The following APBB2 variants were observed in gnomAD, a reference collection of about 807,000 sequenced individuals.
APBB2 encodes amyloid beta precursor protein binding family B member 2, also known as Fe65-like 1.
A neutral mutation model predicts 82.5 loss-of-function variants in APBB2; 38 were observed. The observed-to-expected ratio is 0.46, with a 90% confidence interval of 0.36 to 0.60. APBB2 has a LOEUF of 0.60. APBB2 is among the 20% of genes least tolerant of loss of function. APBB2 has a pLI of 0.00. For synonymous variants in APBB2, 341 were observed against 368.2 expected, an observed-to-expected ratio of 0.93 and a Z score of 0.85; for missense variants, 772 against 972.3, an observed-to-expected ratio of 0.79 and a Z score of 2.74.
intron 1 of APBB2, among the ~76,000 whole-genome samples, chr4:41,199,170 T>C (rs1367911446): frequency 6.7e-6 from 1 of 148,152 alleles, no homozygotes; most frequent in Non-Finnish European, 1.5e-5. Context: ...GGGGACACAA[T>C]TTAACCCAAA....
At chr4:40,887,812 C>T (rs1019938368) in intron 12 of APBB2, among the ~76,000 whole-genome samples, 2 of 152,236 alleles carry the variant, frequency 1.3e-5, no homozygotes, top group South Asian at 2.1e-4. Flanking sequence ...GAGCGTATTT[C>T]GAAATTACAC....
chr4:40,962,322 A>C (rs537312959), intron 6 of APBB2, among the ~76,000 whole-genome samples: 5 of 152,320 alleles, frequency 3.3e-5, no homozygotes, highest in Admixed American at 1.3e-4. Flanking sequence ...AGAACCAGTA[A>C]ATGAAATAAT....
At chr4:41,123,893 C>T (rs1753621739) in intron 2 of APBB2, among the ~76,000 whole-genome samples, 1 of 151,986 alleles carries the variant, frequency 6.6e-6, no homozygotes, top group South Asian at 2.1e-4. Flanking sequence ...CTTAAACTAG[C>T]AGGGAAGGGC....
chr4:40,853,924 C>T (rs916067623), intron 12 of APBB2, among the ~76,000 whole-genome samples: 1 of 152,166 alleles, frequency 6.6e-6, no homozygotes, highest in South Asian at 2.1e-4. Flanking sequence ...CTCGGCATAA[C>T]CTGTATCATC....
At chr4:41,079,783 G>A (rs1272580084) in intron 3 of APBB2, among the ~76,000 whole-genome samples, 3 of 152,070 alleles carry the variant, frequency 2.0e-5, no homozygotes, top group Admixed American at 1.3e-4. Flanking sequence ...TCTTGACCTC[G>A]TGATCCACCT....
At chr4:40,857,266 G>A (rs932618325) in intron 12 of APBB2, 6 of 773,036 alleles carry the variant, frequency 7.8e-6, no homozygotes, top group East Asian at 2.6e-4. Context: ...GCACTCCCGT[G>A]AAGTGCTCCC....
chr4:40,949,044 C>T lies in APBB2; in HGVS notation c.836-3971G>A, dbSNP rs573125421. ...CTATAATCCCATCACTTTGGAAGGC[C>T]GAGGCAGGTAGATCACTCAAGGTCA... is the stretch of plus-strand genomic sequence containing the variant. On this transcript the variant is annotated intron_variant, in intron 6 of 17. Coordinates refer to ENST00000508593, the MANE Select transcript of APBB2 (RefSeq NM_004307.2). 3.3e-5 allele frequency among the ~76,000 whole-genome samples: 5 copies of T among 152,130 alleles called. No homozygotes were observed. The South Asian group carries it at 8.3e-4, about 25-fold the overall frequency.
chr4:40,993,131 C>T (rs888562408), intron 6 of APBB2, among the ~76,000 whole-genome samples: 3 of 152,178 alleles, frequency 2.0e-5, no homozygotes, highest in African/African-American at 7.2e-5. Flanking sequence ...ACAACCACCC[C>T]ACAAGGCAGA....
At chr4:40,869,051 CAG>C (rs1453008979) in intron 12 of APBB2, among the ~76,000 whole-genome samples, 1 of 151,846 alleles carries the variant, frequency 6.6e-6, no homozygotes, top group Non-Finnish European at 1.5e-5. Context: ...TTCTTTGAGA[CAG>C]AGTCTTGCTC....
intron 10 of APBB2, among the ~76,000 whole-genome samples, chr4:40,908,016 T>G (rs1383504408): frequency 6.7e-6 from 1 of 150,302 alleles, no homozygotes; most frequent in Non-Finnish European, 1.5e-5. Context: ...GTGTATGTGG[T>G]GTGTGTGTGT....
At chr4:41,008,062 C>T (rs1483631373) in intron 6 of APBB2, among the ~76,000 whole-genome samples, 1 of 152,204 alleles carries the variant, frequency 6.6e-6, no homozygotes, top group Admixed American at 6.5e-5. Context: ...GGAAAGATCC[C>T]CTAAAATATA....
At chr4:41,121,325 T>A (rs971546187) in intron 2 of APBB2, among the ~76,000 whole-genome samples, 4 of 152,262 alleles carry the variant, frequency 2.6e-5, no homozygotes, top group Non-Finnish European at 5.9e-5. Flanking sequence ...ACCCACATGT[T>A]CCTTGTCTTG....
At chr4:40,925,685 T>C (rs540252522) in intron 10 of APBB2, among the ~76,000 whole-genome samples, 1 of 151,630 alleles carries the variant, frequency 6.6e-6, no homozygotes, top group African/African-American at 2.4e-5. Context: ...TAACATCCCA[T>C]ATAAATGCTA....
chr4:41,033,714 G>A (rs565758016), intron 4 of APBB2, among the ~76,000 whole-genome samples: 3 of 150,404 alleles, frequency 2.0e-5, no homozygotes, highest in Non-Finnish European at 4.4e-5. Context: ...CTATAAACAC[G>A]ATAAAAGCAA....
At chr4:41,140,539 G>A (rs1758815853) in intron 2 of APBB2, among the ~76,000 whole-genome samples, 1 of 152,028 alleles carries the variant, frequency 6.6e-6, no homozygotes, top group African/African-American at 2.4e-5. Flanking sequence ...GAGATACATT[G>A]TCACACTGCA....
At chr4:41,021,797 T>G (rs1579310652) in intron 5 of APBB2, among the ~76,000 whole-genome samples, 1 of 152,196 alleles carries the variant, frequency 6.6e-6, no homozygotes, top group East Asian at 1.9e-4. Flanking sequence ...CTGCTCATTC[T>G]TTGGGTCCAC....
In APBB2 at chr4:41,014,398, G is replaced by C. The variant is rs775335263; in HGVS notation, c.20C>G (p.Ala7Gly). The C allele has an allele frequency of 6.2e-7, 1 of 1,611,370 alleles. No individual in the cohort carries two copies. The highest frequency in any genetic ancestry group is 1.1e-5 in the South Asian group (1 of 90,894). ...TGCCAAGGTGTCAACACCTGAGTCAGCTGGGGAAAAAAAAAGTCATTAGAC... is the reference window on the plus strand; with the variant it reads ...TGCCAAGGTGTCAACACCTGAGTCACCTGGGGAAAAAAAAAGTCATTAGAC... MSEVLP[A>G]DSGVDTLAVF... Residue 7 changes from alanine to glycine, a missense_variant and splice_region_variant, in exon 6 of 18, where the codon GCT becomes GGT. By Grantham distance (60) the Ala-to-Gly change is moderately conservative. Coordinates refer to ENST00000508593, the MANE Select transcript of APBB2 (RefSeq NM_004307.2).
chr4:40,913,317 A>G (rs1439347573), intron 10 of APBB2, among the ~76,000 whole-genome samples: 1 of 151,514 alleles, frequency 6.6e-6, no homozygotes, highest in Non-Finnish European at 1.5e-5. Flanking sequence ...AAATAAATAA[A>G]CAAGTGTATG....
intron 12 of APBB2, among the ~76,000 whole-genome samples, chr4:40,837,799 T>C (rs536194869): frequency 3.3e-4 from 50 of 152,312 alleles, no homozygotes; most frequent in African/African-American, 1.2e-3. Context: ...TATAGTTTCT[T>C]GTGTCTCTTC....
Sources: allele counts gnomAD v4.1 joint callset (sites outside exome capture counted in the v4.1 genomes callset), GRCh38; gene constraint gnomAD v4.1.1; transcripts MANE v1.5; gene names NCBI Gene and HGNC (gene_info 2026-07-23, HGNC 2026-07-21).